Variants in FER observed in about 807,000 individuals in gnomAD.
FER encodes the protein FER tyrosine kinase.
A neutral mutation model predicts 111.0 loss-of-function variants in FER; 63 were observed. The observed-to-expected ratio is 0.57, with a 90% confidence interval of 0.46 to 0.70. The LOEUF (loss-of-function observed/expected upper bound fraction) is 0.70. Among genes scored for constraint, FER ranks in the 30% least tolerant of loss-of-function variants. FER has a pLI of 0.00. For synonymous variants in FER, 327 were observed against 313.9 expected, an observed-to-expected ratio of 1.04 and a Z score of -0.44; for missense variants, 914 against 954.0, an observed-to-expected ratio of 0.96 and a Z score of 0.55.
chr5:109,022,525 A>G (rs2149834144), intron 13 of FER, among the ~76,000 whole-genome samples: 1 of 152,220 alleles, frequency 6.6e-6, no homozygotes, highest in Non-Finnish European at 1.5e-5. Flanking sequence ...AGTAATGGAA[A>G]AGAAGATGTC....
At chr5:109,000,532 A>G (rs1258392094) in intron 13 of FER, among the ~76,000 whole-genome samples, 3 of 152,176 alleles carry the variant, frequency 2.0e-5, no homozygotes, top group East Asian at 1.9e-4. Flanking sequence ...ATAGCATGAA[A>G]TGCCCACAAG....
rs377026976 is a variant in FER at position 109,047,096 on chromosome 5, T to C, written c.1830-8T>C. ...TGATAACTATTCGTATATTTTCATC[T>C]CATCTAGAATTCTCAAGCAATATGA... On this transcript the variant is annotated splice_region_variant and splice_polypyrimidine_tract_variant and intron_variant, in intron 15 of 19. Coordinates refer to ENST00000281092, the MANE Select transcript of FER (RefSeq NM_005246.4). 2.1e-6 allele frequency: 3 copies of C among 1,450,232 alleles called. No individual in the cohort carries two copies. Among genetic ancestry groups the C allele is most frequent in the Non-Finnish European group, 2.9e-6 (3 of 1,046,586 alleles). The allele number at this position is 1,450,232 out of a possible 1,614,324, so 89.8% of individuals were successfully genotyped here.
At chr5:108,978,012 AATATTT>A (rs1432450646) in intron 13 of FER, among the ~76,000 whole-genome samples, 8 of 152,042 alleles carry the variant, frequency 5.3e-5, no homozygotes, top group Admixed American at 2.6e-4. Flanking sequence ...ACGATTGGCT[AATATTT>A]GTATTTTTAG....
At chr5:109,060,936 G>A (rs1774338400) in intron 16 of FER, among the ~76,000 whole-genome samples, 2 of 152,138 alleles carry the variant, frequency 1.3e-5, no homozygotes, top group South Asian at 4.2e-4. Flanking sequence ...TAAAATGCCT[G>A]CTATAATCCA....
intron 13 of FER, among the ~76,000 whole-genome samples, chr5:108,975,259 G>A (rs927022482): frequency 6.6e-6 from 1 of 152,036 alleles, no homozygotes; most frequent in Non-Finnish European, 1.5e-5. Flanking sequence ...TCGGGTTGAG[G>A]GGCAAGGGAG....
intron 10 of FER, among the ~76,000 whole-genome samples, chr5:108,911,946 G>T (rs904188361): frequency 1.3e-5 from 2 of 152,126 alleles, no homozygotes; most frequent in African/African-American, 4.8e-5. Context: ...TACCTGGTTG[G>T]AGATAATTGA....
chr5:108,908,422 A>G (rs2150352753), intron 10 of FER, among the ~76,000 whole-genome samples: 1 of 152,324 alleles, frequency 6.6e-6, no homozygotes, highest in Non-Finnish European at 1.5e-5. Context: ...TTGGGTGCTC[A>G]TTAAAAAATA....
At chr5:109,126,429 A>C (rs1408380768) in intron 17 of FER, among the ~76,000 whole-genome samples, 3 of 152,332 alleles carry the variant, frequency 2.0e-5, no homozygotes, top group South Asian at 4.1e-4. Context: ...CTACACAGAA[A>C]GTTCTTGGAA....
intron 9 of FER, among the ~76,000 whole-genome samples, chr5:108,886,779 T>C (rs944797688): frequency 1.3e-5 from 2 of 151,680 alleles, no homozygotes; most frequent in Non-Finnish European, 3.0e-5. Flanking sequence ...GGAGTTATTA[T>C]TGTTAGAGTC....
rs1463181066 is a variant in FER at position 109,187,690 on chromosome 5, A to ATTTTT, written c.*117_*121dup. 3.1e-6 allele frequency: 4 copies of ATTTTT among 1,272,716 alleles called. No individual in the cohort carries two copies. Among genetic ancestry groups the ATTTTT allele is most frequent in the Non-Finnish European group, 1.1e-6 (1 of 927,346 alleles). The allele number at this position is 1,272,716 out of a possible 1,614,324, so 78.8% of individuals were successfully genotyped here. ...TTACCTTCGACAGTCTTCTACCATT[A>ATTTTT]TTTTTTATTAACTGGGTGTTTTAAA... On this transcript the variant is annotated 3_prime_UTR_variant, in exon 20 of 20. Coordinates refer to ENST00000281092, the MANE Select transcript of FER (RefSeq NM_005246.4).
At chr5:109,116,952 T>G (rs1023621574) in intron 17 of FER, among the ~76,000 whole-genome samples, 3 of 152,138 alleles carry the variant, frequency 2.0e-5, no homozygotes, top group Non-Finnish European at 2.9e-5. Context: ...TTTTTAAGTT[T>G]ATGATTTTGC....
At chr5:109,116,186 A>G (rs185960067) in intron 17 of FER, among the ~76,000 whole-genome samples, 2 of 152,170 alleles carry the variant, frequency 1.3e-5, no homozygotes, top group Admixed American at 1.3e-4. Context: ...TGTCCCGAAG[A>G]GGTCGCCATG....
At chr5:109,125,562 T>G (rs1751606232) in intron 17 of FER, among the ~76,000 whole-genome samples, 1 of 152,184 alleles carries the variant, frequency 6.6e-6, no homozygotes. Flanking sequence ...TCTATGAAAT[T>G]AGGATAATAA....
At chr5:108,846,318 G>A (rs1039231135) in intron 5 of FER, among the ~76,000 whole-genome samples, 2 of 152,010 alleles carry the variant, frequency 1.3e-5, no homozygotes, top group African/African-American at 4.8e-5. Flanking sequence ...TGTGTTGGTT[G>A]TCCCAGCTAC....
At chr5:109,017,998 A>G (rs961223524) in intron 13 of FER, among the ~76,000 whole-genome samples, 1 of 151,836 alleles carries the variant, frequency 6.6e-6, no homozygotes, top group Admixed American at 6.6e-5. Context: ...CCTATTTTCT[A>G]ACATCTTACT....
intron 17 of FER, among the ~76,000 whole-genome samples, chr5:109,154,608 G>A (rs1055781056): frequency 2.6e-5 from 4 of 151,800 alleles, no homozygotes; most frequent in African/African-American, 4.8e-5. Context: ...GAGGAATCTC[G>A]TTTAAGACAT....
intron 5 of FER, among the ~76,000 whole-genome samples, chr5:108,860,730 C>T (rs1763434652): frequency 6.6e-6 from 1 of 152,124 alleles, no homozygotes; most frequent in Non-Finnish European, 1.5e-5. Context: ...AATTGAGCAG[C>T]GTATTAGTCT....
At chr5:108,904,283 T>A (rs1750442617) in intron 10 of FER, among the ~76,000 whole-genome samples, 1 of 151,980 alleles carries the variant, frequency 6.6e-6, no homozygotes, top group Admixed American at 6.6e-5. Flanking sequence ...AAAAGCAAGA[T>A]TGGGGGCAAT....
chr5:109,149,097 C>T (rs376148453), intron 17 of FER, among the ~76,000 whole-genome samples: 1 of 151,184 alleles, frequency 6.6e-6, no homozygotes, highest in African/African-American at 2.4e-5. Flanking sequence ...AAAAAAAATG[C>T]AAAACCTGGT....
Sources: allele counts gnomAD v4.1 joint callset (sites outside exome capture counted in the v4.1 genomes callset), GRCh38; gene constraint gnomAD v4.1.1; transcripts MANE v1.5; gene names NCBI Gene and HGNC (gene_info 2026-07-23, HGNC 2026-07-21).